The following FBXO38 variants were observed in gnomAD, a reference collection of about 807,000 sequenced individuals.
FBXO38 encodes the protein F-box only protein 38.
A neutral mutation model predicts 131.9 loss-of-function variants in FBXO38; 53 were observed. The observed-to-expected ratio is 0.40, with a 90% CI of 0.32 to 0.51. The LOEUF (loss-of-function observed/expected upper bound fraction) is 0.51, where lower values mean the gene tolerates loss of function less well. Ranked by LOEUF, FBXO38 falls within the 20% of genes least tolerant of loss-of-function variation. The pLI, the probability that FBXO38 is intolerant of heterozygous loss-of-function variation, is 0.53. For missense variants in FBXO38, 1,076 were observed against 1,475.6 expected, an observed-to-expected ratio of 0.73 and a Z score of 4.44; for synonymous variants, 452 against 505.6, an observed-to-expected ratio of 0.89 and a Z score of 1.42.
chr5:148,440,214 T>G (rs1417229020), intron 19 of FBXO38: 3 of 505,156 alleles, frequency 5.9e-6, no homozygotes, highest in African/African-American at 4.0e-5. Context: ...TTCCCTGATA[T>G]GATTTTGAAG....
At chr5:148,436,890 C>A (rs768944774) in intron 17 of FBXO38, among the ~76,000 whole-genome samples, 16 of 152,210 alleles carry the variant, frequency 1.1e-4, no homozygotes, top group Non-Finnish European at 2.1e-4. Flanking sequence ...CAGTGGAGAA[C>A]ACAGGCTCTT....
intron 7 of FBXO38, among the ~76,000 whole-genome samples, chr5:148,408,068 G>C (rs769579082): frequency 2.6e-5 from 4 of 152,084 alleles, no homozygotes; most frequent in Non-Finnish European, 4.4e-5. Flanking sequence ...GAAAAAATGG[G>C]AGAAGACTTG....
chr5:148,393,667 T>A (rs1403601072), intron 1 of FBXO38, among the ~76,000 whole-genome samples: 1 of 152,126 alleles, frequency 6.6e-6, no homozygotes, highest in Admixed American at 6.5e-5. Context: ...TCTGGGCCGT[T>A]TGTTTACAAT....
chr5:148,394,293 C>T (rs954019691), intron 1 of FBXO38, among the ~76,000 whole-genome samples: 1 of 152,100 alleles, frequency 6.6e-6, no homozygotes, highest in Admixed American at 6.5e-5. Flanking sequence ...ATCTCTTCTC[C>T]TTTCCACTAT....
At chr5:148,420,038 T>G (rs553394521) in intron 12 of FBXO38, among the ~76,000 whole-genome samples, 2 of 152,242 alleles carry the variant, frequency 1.3e-5, no homozygotes, top group African/African-American at 4.8e-5. Context: ...AGTACTTAAT[T>G]GTGAGCTAGT....
intron 5 of FBXO38, 111 bp downstream of exon 5, chr5:148,402,624 T>C (rs2113534003): frequency 1.0e-6 from 1 of 963,776 alleles, no homozygotes; most frequent in Non-Finnish European, 1.5e-6. Context: ...TGATTGATGA[T>C]TGCAAAATAA....
chr5:148,409,220 A>G lies in FBXO38; in HGVS notation c.962+3A>G, dbSNP rs779258103. ...CTCATCATTACTGCTGCCCGTAGGT[A>G]TGTTTCCTCTTTGTATTGTGTCTCT... On this transcript the variant is annotated splice_donor_region_variant and intron_variant, in intron 8 of 21. Coordinates refer to ENST00000340253, the MANE Select transcript of FBXO38 (RefSeq NM_205836.3). 17 of 1,570,802 alleles carry G rather than the reference A, an allele frequency of 1.1e-5. No individual in the cohort carries two copies. Among genetic ancestry groups the G allele is most frequent in the Non-Finnish European group, 1.4e-5 (16 of 1,140,862 alleles).
chr5:148,410,759 C>T lies in FBXO38; in HGVS notation c.1087C>T (p.Leu363=). The part of the protein sequence containing the change: ...LHLGYVDEFL[L]QSRMANADLV... The stretch of plus-strand genomic sequence containing the variant: ...TCTAGGATATGTAGATGAGTTTTTG[C>T]TACAGAGTAAGATTTATCCCATTTT... Residue 363 remains leucine (L), a synonymous_variant, in exon 9 of 22, where the codon CTA becomes TTA. Transcript: ENST00000340253. 1 of 1,608,834 alleles carries T rather than the reference C, an allele frequency of 6.2e-7. No individual in the cohort carries two copies. Among genetic ancestry groups the T allele is most frequent in the Non-Finnish European group, 8.5e-7 (1 of 1,178,554 alleles).
Position 148,394,855 on chromosome 5 carries a change from A to G in FBXO38, c.79A>G (p.Lys27Glu), listed in dbSNP as rs1283977713. 1.9e-6 allele frequency: 3 copies of G among 1,603,064 alleles called. No homozygotes were observed. The highest frequency in any genetic ancestry group is 2.6e-6 in the Non-Finnish European group (3 of 1,175,200). Reference sequence around the variant, plus strand: ...AGAAGAAATGACAGCAGATGAAACAAAGGACTATATGAATCAACTTTCACA... The same window carrying G: ...AGAAGAAATGACAGCAGATGAAACAGAGGACTATATGAATCAACTTTCACA... ...IPEEMTADETKDYMNQLSHEV... is the reference protein window; with the variant it reads ...IPEEMTADETEDYMNQLSHEV... Residue 27 changes from lysine (K) to glutamate (E), a missense_variant, in exon 2 of 22, where the codon AAG becomes GAG. Coordinates refer to ENST00000340253, the MANE Select transcript of FBXO38 (RefSeq NM_205836.3).
In FBXO38 at chr5:148,430,008, A is replaced by G. The variant is rs758639774; in HGVS notation, c.2653+2061A>G. Among the ~76,000 whole-genome samples the G allele has an allele frequency of 1.7e-4, 26 of 151,850 alleles. 1 individual carries two copies. Among genetic ancestry groups the G allele is most frequent in the South Asian group, 1.0e-3 (5 of 4,830 alleles). The stretch of plus-strand genomic sequence containing the variant: ...GGTAAATTATTTGCTAATGTATTTT[A>G]GATTTATAAAAATGTCTGTTTACTT... On this transcript the variant is annotated intron_variant, in intron 15 of 21. Transcript: ENST00000340253.
intron 5 of FBXO38, 71 bp from the exon 6 acceptor site, chr5:148,404,614 A>G (rs1460888710): frequency 7.5e-7 from 1 of 1,342,144 alleles, no homozygotes; most frequent in Non-Finnish European, 9.9e-7. Flanking sequence ...AGACTCTTGA[A>G]CTTATAAGCA....
rs1387391643 is a variant in FBXO38, at chr5:148,439,686, C to A, written c.3064C>A (p.Pro1022Thr). ...TTTGGAGCAGAAGCTATTTAGTGGT[C>A]CCTACCCCTATCACATCTGTATTAT... ...LTLEQKLFSG[P>T]YPYHICIIHE... The change falls in exon 19 of 22, where the codon CCC becomes ACC. Residue 1022 changes from proline to threonine, a missense_variant. By Grantham distance (38) the Pro-to-Thr change is conservative. Transcript: ENST00000340253. The A allele has an allele frequency of 6.2e-6, 10 of 1,607,260 alleles. No homozygotes were observed. The highest frequency in any genetic ancestry group is 1.3e-5 in the African/African-American group (1 of 74,982).
rs1387910275 is a variant in FBXO38, at chr5:148,427,825, A to G, written c.2531A>G (p.Glu844Gly). The change falls in exon 15 of 22, where the codon GAG becomes GGG. Residue 844 changes from glutamate to glycine, a missense_variant. Physicochemically the swap from Glu to Gly is moderately conservative, Grantham distance 98. Around this residue, in one of 8 missense-constraint regions of FBXO38, gnomAD observed 213 missense variants for 225.2 expected, o/e 0.95. Coordinates refer to ENST00000340253, the MANE Select transcript of FBXO38 (RefSeq NM_205836.3). ...GGGAGTGGCTCTGGGGCTACAGGTG[A>G]GGACAGGAGGGGGAGCTCCCAGCCT... ...TNGSGSGATGEDRRGSSQPES... is the reference protein window; with the variant it reads ...TNGSGSGATGGDRRGSSQPES... 3.9e-5 allele frequency: 62 copies of G among 1,605,584 alleles called. No homozygotes were observed. The highest frequency in any genetic ancestry group is 5.0e-5 in the Non-Finnish European group (59 of 1,176,038).
intron 13 of FBXO38, among the ~76,000 whole-genome samples, chr5:148,424,777 G>A (rs769636735): frequency 5.9e-5 from 9 of 152,130 alleles, no homozygotes; most frequent in Non-Finnish European, 1.3e-4. Context: ...AAGAGTGTTA[G>A]AGATGCAGTC....
intron 15 of FBXO38, 55 bp downstream of exon 15, chr5:148,428,002 G>A (rs1753823568): frequency 1.4e-6 from 2 of 1,418,978 alleles, no homozygotes; most frequent in Non-Finnish European, 1.8e-6. Context: ...AGAAAGGCAT[G>A]AACTTGTTTC....
At chr5:148,418,175 G>C (rs148056257) in intron 12 of FBXO38, among the ~76,000 whole-genome samples, 18 of 152,208 alleles carry the variant, frequency 1.2e-4, no homozygotes, top group African/African-American at 4.3e-4. Flanking sequence ...CATCTAATTT[G>C]ACATCTCAGC....
intron 7 of FBXO38, among the ~76,000 whole-genome samples, chr5:148,406,867 T>A (rs1346953486): frequency 1.3e-5 from 2 of 152,188 alleles, no homozygotes; most frequent in African/African-American, 4.8e-5. Context: ...ATGATGATAT[T>A]TAAAAGAAAA....
In FBXO38 at chr5:148,427,798, ATGGGAG is replaced by A. The variant is rs201449897; in HGVS notation, c.2508_2513del (p.Ser839_Gly840del). On this transcript the variant is annotated inframe_deletion, in exon 15 of 22. Coordinates refer to ENST00000340253, the MANE Select transcript of FBXO38 (RefSeq NM_205836.3). ...GGCCCAGCACATGATGAGAGGACTA[ATGGGAG>A]TGGCTCTGGGGCTACAGGTGAGGAC... 24,424 of 1,609,900 alleles carry A rather than the reference ATGGGAG, an allele frequency of 0.015. 236 individuals carry two copies. Among genetic ancestry groups the A allele is most frequent in the Non-Finnish European group, 0.018 (21,556 of 1,177,846 alleles).
chr5:148,395,902 T>G lies in FBXO38; in HGVS notation c.128+998T>G, dbSNP rs561533168. On this transcript the variant is annotated intron_variant, in intron 2 of 21. Transcript: ENST00000340253. Reference sequence around the variant, plus strand: ...TGCAATTATGGTTGCAATAAACTTCTCTAAGCATCTGGATTTTCCATTATT... The same window carrying G: ...TGCAATTATGGTTGCAATAAACTTCGCTAAGCATCTGGATTTTCCATTATT... 2.6e-5 allele frequency among the ~76,000 whole-genome samples: 4 copies of G among 152,298 alleles called. No homozygotes were observed. The South Asian group carries it at 8.3e-4, about 32-fold the overall frequency.
Sources: gnomAD v4.1 joint callset for allele counts (sites outside exome capture counted in the v4.1 genomes callset) on GRCh38, gnomAD v4.1.1 for gene constraint, gnomAD v4.1.1 regional missense constraint, MANE v1.5 for transcripts, NCBI Gene and HGNC (gene_info 2026-07-23, HGNC 2026-07-21) for gene names.